The following ELAVL4 variants were observed in gnomAD, a reference collection of about 807,000 sequenced individuals.
ELAVL4 encodes ELAV like RNA binding protein 4.
In ELAVL4, 1 loss-of-function variant was observed where a neutral mutation model predicts 35.6. The observed-to-expected ratio is 0.03, with a 90% CI of 0.01 to 0.13. ELAVL4 has a LOEUF of 0.13. Among genes scored for constraint, ELAVL4 ranks in the 10% least tolerant of loss-of-function variants. The pLI is 1.00. For synonymous variants in ELAVL4, 156 were observed against 171.0 expected, an observed-to-expected ratio of 0.91 and a Z score of 0.69; for missense variants, 267 against 464.9, an observed-to-expected ratio of 0.57 and a Z score of 3.91.
chr1:50,189,970 G>A (rs1444782274), intron 3 of ELAVL4, among the ~76,000 whole-genome samples: 1 of 152,210 alleles, frequency 6.6e-6, no homozygotes, highest in African/African-American at 2.4e-5. Context: ...CACCAGGGAT[G>A]GGGAGAGCTG....
chr1:50,152,688 C>T (rs1214467610), intron 2 of ELAVL4, among the ~76,000 whole-genome samples: 5 of 152,152 alleles, frequency 3.3e-5, no homozygotes, highest in African/African-American at 1.2e-4. Context: ...TCCACATCTC[C>T]CTGACTGCTC....
chr1:50,070,506 G>A (rs1244679219), intron 1 of ELAVL4, among the ~76,000 whole-genome samples: 2 of 152,178 alleles, frequency 1.3e-5, no homozygotes, highest in East Asian at 3.9e-4. Flanking sequence ...ACTTTGGGAG[G>A]CCAAGGCGGG....
intron 2 of ELAVL4, among the ~76,000 whole-genome samples, chr1:50,146,126 A>G (rs908836347): frequency 1.3e-5 from 2 of 150,872 alleles, no homozygotes; most frequent in African/African-American, 4.9e-5. Context: ...TTCCCTAGAC[A>G]GTTTAATTAA....
chr1:50,078,749 GTC>G (rs1429276709), intron 1 of ELAVL4, among the ~76,000 whole-genome samples: 4 of 152,168 alleles, frequency 2.6e-5, no homozygotes, highest in Non-Finnish European at 4.4e-5. Context: ...GGTGCTTGCA[GTC>G]TCCCTGGAAT....
intron 1 of ELAVL4, 75 bp from the exon 2 acceptor site, chr1:50,144,882 A>T: frequency 6.4e-7 from 1 of 1,572,286 alleles, no homozygotes; most frequent in East Asian, 2.2e-5. Flanking sequence ...TTTCAAAAAA[A>T]TTAATAAACT....
chr1:50,093,434 C>T (rs1197200106), intron 1 of ELAVL4, among the ~76,000 whole-genome samples: 1 of 152,172 alleles, frequency 6.6e-6, no homozygotes, highest in African/African-American at 2.4e-5. Context: ...TTTTGAACCA[C>T]CTGCATTAGG....
At chr1:50,143,635 G>A (rs1486314649) in intron 1 of ELAVL4, among the ~76,000 whole-genome samples, 1 of 152,124 alleles carries the variant, frequency 6.6e-6, no homozygotes, top group Non-Finnish European at 1.5e-5. Flanking sequence ...GCTAGTAAGT[G>A]GCAGAGTATG....
At chr1:50,139,703 G>A (rs771654606) in intron 1 of ELAVL4, among the ~76,000 whole-genome samples, 2 of 152,200 alleles carry the variant, frequency 1.3e-5, no homozygotes, top group Non-Finnish European at 2.9e-5. Context: ...GGTGCCAGAA[G>A]GGAACAGAGG....
chr1:50,069,884 T>C (rs1364198264), intron 1 of ELAVL4, among the ~76,000 whole-genome samples: 1 of 152,244 alleles, frequency 6.6e-6, no homozygotes, highest in Non-Finnish European at 1.5e-5. Flanking sequence ...TCAGCCCTTA[T>C]GAATTTCTGG....
intron 1 of ELAVL4, among the ~76,000 whole-genome samples, chr1:50,053,119 T>C (rs1663476311): frequency 1.3e-5 from 2 of 152,348 alleles, no homozygotes; most frequent in South Asian, 4.1e-4. Context: ...TTAATAGAAA[T>C]ACTGCAGCTT....
intron 1 of ELAVL4, among the ~76,000 whole-genome samples, chr1:50,127,435 G>T (rs907963251): frequency 6.6e-6 from 1 of 152,080 alleles, no homozygotes; most frequent in African/African-American, 2.4e-5. Flanking sequence ...TTGCAAAATG[G>T]CAGGGTAATT....
chr1:50,088,450 C>T lies in ELAVL4; in HGVS notation c.18+40268C>T, dbSNP rs534446556. 1.1e-4 allele frequency among the ~76,000 whole-genome samples: 17 copies of T among 152,266 alleles called. No individual in the cohort carries two copies. In the East Asian group the frequency reaches 3.3e-3, roughly 29 times the overall value. On this transcript the variant is annotated intron_variant, in intron 1 of 6. Coordinates refer to the ELAVL4 transcript ENST00000448907. Reference sequence around the variant, plus strand: ...CAGCTCATCTCTTCTATCTGTAGACCAACTTTTCCTCGAGCATCTCTAACA... The same window carrying T: ...CAGCTCATCTCTTCTATCTGTAGACTAACTTTTCCTCGAGCATCTCTAACA...
intron 1 of ELAVL4, among the ~76,000 whole-genome samples, chr1:50,093,978 T>G (rs1009226879): frequency 6.6e-6 from 1 of 152,212 alleles, no homozygotes; most frequent in Non-Finnish European, 1.5e-5. Flanking sequence ...CTTATAGGAT[T>G]GTTGTGAAAC....
intron 1 of ELAVL4, among the ~76,000 whole-genome samples, chr1:50,135,981 A>G (rs1009839694): frequency 6.6e-6 from 1 of 152,210 alleles, no homozygotes; most frequent in South Asian, 2.1e-4. Context: ...GGTCCCATTA[A>G]TAACATATGT....
At chr1:50,090,684 C>T (rs1665451938) in intron 1 of ELAVL4, among the ~76,000 whole-genome samples, 1 of 152,078 alleles carries the variant, frequency 6.6e-6, no homozygotes, top group African/African-American at 2.4e-5. Flanking sequence ...TCCTTTGTAC[C>T]CTTTGCATCT....
intron 1 of ELAVL4, among the ~76,000 whole-genome samples, chr1:50,070,960 C>T (rs996144909): frequency 7.2e-5 from 11 of 152,086 alleles, no homozygotes; most frequent in Admixed American, 4.6e-4. Flanking sequence ...ATCTTGTTGA[C>T]GCTTGCTCAC....
rs1644379691 is a variant in ELAVL4, at chr1:50,201,239, G to GCA, written c.*72_*73dup. ...ATATATACGAACAAAACACACGCGC[G>GCA]CACACACACACATACACGAAAGAGA... On this transcript the variant is annotated 3_prime_UTR_variant, in exon 7 of 7. Coordinates refer to ENST00000371824, the MANE Select transcript of ELAVL4 (RefSeq NM_001144774.3). This position sits in a 1 kb window ranked among gnomAD's most constrained non-coding sequence, Gnocchi z 4.3. 8 of 1,424,074 alleles carry GCA rather than the reference G, an allele frequency of 5.6e-6. No homozygotes were observed. The highest frequency in any genetic ancestry group is 2.5e-5 in the East Asian group (1 of 39,330). 88.2% of individuals were successfully genotyped at this position (1,424,074 alleles called of 1,614,324 possible).
At chr1:50,189,666 G>C (rs559115195) in intron 3 of ELAVL4, among the ~76,000 whole-genome samples, 145 of 152,252 alleles carry the variant, frequency 9.5e-4, no homozygotes, top group African/African-American at 3.3e-3. Flanking sequence ...GTCCCAATGG[G>C]AGCTAGATTC....
intron 2 of ELAVL4, among the ~76,000 whole-genome samples, chr1:50,160,366 T>G (rs887143896): frequency 1.3e-5 from 2 of 152,236 alleles, no homozygotes; most frequent in Non-Finnish European, 2.9e-5. Flanking sequence ...TTTGCCTTAT[T>G]TCCTACCTGC....
Sources: gnomAD v4.1 joint callset for allele counts (sites outside exome capture counted in the v4.1 genomes callset) on GRCh38, gnomAD v4.1.1 for gene constraint, Gnocchi (gnomAD v3.1) non-coding constraint, MANE v1.5 for transcripts, NCBI Gene and HGNC (gene_info 2026-07-23, HGNC 2026-07-21) for gene names.